PPARG: variants seen among roughly 807,000 people sequenced by gnomAD.
PPARG encodes peroxisome proliferator-activated receptor gamma.
A neutral mutation model predicts 39.2 loss-of-function variants in PPARG; 17 were observed. The observed-to-expected ratio is 0.43, with a 90% CI of 0.30 to 0.65. The LOEUF (loss-of-function observed/expected upper bound fraction) is 0.65, where lower values mean the gene tolerates loss of function less well. Among genes scored for constraint, PPARG ranks in the 30% least tolerant of loss-of-function variants. The pLI, the probability that PPARG is intolerant of heterozygous loss-of-function variation, is 0.13. For synonymous variants in PPARG, 223 were observed against 215.7 expected (o/e 1.03, Z -0.30); for missense variants, 406 against 585.9 (o/e 0.69, Z 3.17).
At chr3:12,323,731 G>A (rs2047611526) in intron 2 of PPARG, among the ~76,000 whole-genome samples, 1 of 151,424 alleles carries the variant, frequency 6.6e-6, no homozygotes, top group African/African-American at 2.4e-5. Flanking sequence ...TTGAAATGCT[G>A]CAAAATGGTA....
At position 12,328,221 on chromosome 3, in the gene PPARG, G is replaced by A. The variant is rs141318861; in HGVS notation, c.-9+15768G>A. ...GAAAAAGTCCTACCTGGAGCGGAGC[G>A]TTAAGGAAGCTGAGAACAACATCCG... On this transcript the variant is annotated intron_variant, in intron 2 of 7. Transcript: ENST00000651735. 3.3e-4 allele frequency: 505 copies of A among 1,523,254 alleles called. 1 individual carries two copies. The African/African-American group carries it at 5.4e-3, about 16-fold the overall frequency. The allele number at this position is 1,523,254 out of a possible 1,614,324, so 94.4% of individuals were successfully genotyped here.
chr3:12,372,718 C>T (rs1176916150), intron 2 of PPARG, among the ~76,000 whole-genome samples: 1 of 152,168 alleles, frequency 6.6e-6, no homozygotes, highest in Non-Finnish European at 1.5e-5. Flanking sequence ...CACTTCCATA[C>T]TCCCAAATAA....
Position 12,417,153 on chromosome 3 carries a change from A to G in PPARG, c.1179A>G (p.Gly393=), listed in dbSNP as rs923986639. The change falls in exon 7 of 8, where the codon GGA becomes GGG. Residue 393 remains glycine, a splice_region_variant and synonymous_variant. Transcript: ENST00000651735. ...TTATTGCTGTCATTATTCTCAGTGG[A>G]GGTAAGATTTGTCTTTTGATCTTCT... is the stretch of plus-strand genomic sequence containing the variant. The part of the protein sequence containing the change: ...AIFIAVIILS[G]DRPGLLNVKP... 1.2e-6 allele frequency: 2 copies of G among 1,613,566 alleles called. No homozygotes were observed. Among genetic ancestry groups the G allele is most frequent in the Non-Finnish European group, 1.7e-6 (2 of 1,179,828 alleles).
chr3:12,361,262 C>T (rs1184362856), intron 2 of PPARG, among the ~76,000 whole-genome samples: 1 of 152,116 alleles, frequency 6.6e-6, no homozygotes, highest in African/African-American at 2.4e-5. Flanking sequence ...TTTAGGTAAA[C>T]GTTCTAAAGC....
At chr3:12,363,249 A>G (rs1179965408) in intron 2 of PPARG, among the ~76,000 whole-genome samples, 1 of 152,198 alleles carries the variant, frequency 6.6e-6, no homozygotes, top group Non-Finnish European at 1.5e-5. Context: ...CTCAGGAGAA[A>G]GATTAAAAGT....
chr3:12,301,161 G>T (rs961596924), intron 1 of PPARG, among the ~76,000 whole-genome samples: 7 of 152,202 alleles, frequency 4.6e-5, no homozygotes, highest in African/African-American at 1.4e-4. Flanking sequence ...AACATTCTAT[G>T]TTGGACCTCG....
chr3:12,379,498 A>G (rs560573610), intron 2 of PPARG, among the ~76,000 whole-genome samples: 1 of 152,198 alleles, frequency 6.6e-6, no homozygotes, highest in Admixed American at 6.5e-5. Context: ...ATCCTCTATT[A>G]TGATACCTGG....
At chr3:12,391,567 G>A (rs563351872) in intron 4 of PPARG, among the ~76,000 whole-genome samples, 14 of 152,296 alleles carry the variant, frequency 9.2e-5, no homozygotes, top group Non-Finnish European at 1.6e-4. Flanking sequence ...ATGGCGTTGC[G>A]TCTGCTGAGA....
At chr3:12,330,267 T>A (rs532506014) in intron 2 of PPARG, among the ~76,000 whole-genome samples, 2 of 149,976 alleles carry the variant, frequency 1.3e-5, no homozygotes, top group Admixed American at 1.3e-4. Context: ...TATATATGGG[T>A]TCTAATATCT....
chr3:12,407,829 G>A (rs2050727445), intron 6 of PPARG, among the ~76,000 whole-genome samples: 1 of 152,176 alleles, frequency 6.6e-6, no homozygotes, highest in South Asian at 2.1e-4. Context: ...TGAGTTTTCT[G>A]ATTTGAAAAT....
chr3:12,367,621 G>A (rs890969255), intron 2 of PPARG, among the ~76,000 whole-genome samples: 3 of 151,882 alleles, frequency 2.0e-5, no homozygotes, highest in Non-Finnish European at 4.4e-5. Context: ...GGCTGAGGCG[G>A]GAGGATTGCT....
intron 2 of PPARG, among the ~76,000 whole-genome samples, chr3:12,364,244 T>C (rs2048944463): frequency 6.6e-6 from 1 of 152,232 alleles, no homozygotes; most frequent in African/African-American, 2.4e-5. Context: ...TGACTACCAC[T>C]GATCTTTTTC....
At chr3:12,341,490 T>C (rs1239362478) in intron 2 of PPARG, among the ~76,000 whole-genome samples, 1 of 152,184 alleles carries the variant, frequency 6.6e-6, no homozygotes. Flanking sequence ...CTTTAGTTGC[T>C]GAAGGAAAGA....
chr3:12,352,823 G>C (rs1469318769), intron 2 of PPARG, among the ~76,000 whole-genome samples: 2 of 152,116 alleles, frequency 1.3e-5, no homozygotes, highest in African/African-American at 4.8e-5. Context: ...TATCATCTAA[G>C]CCTCTTAACT....
rs181362319 is a variant in PPARG at position 12,349,378 on chromosome 3, C to T, written c.-8-30326C>T. Reference sequence around the variant, plus strand: ...TGTAAGCAAGTTATTTCTTAAGTGACCCAGCACTGCAGTGCAACTATCATT... The same window carrying T: ...TGTAAGCAAGTTATTTCTTAAGTGATCCAGCACTGCAGTGCAACTATCATT... On this transcript the variant is annotated intron_variant, in intron 2 of 7. Coordinates refer to ENST00000651735, the MANE Select transcript of PPARG (RefSeq NM_138711.6). Among the ~76,000 whole-genome samples the T allele has an allele frequency of 3.1e-3, 472 of 152,204 alleles. 5 individuals carry two copies. Among genetic ancestry groups the T allele is most frequent in the Middle Eastern group, 3.4e-3 (1 of 292 alleles).
At chr3:12,313,709 C>T (rs1259117743) in intron 2 of PPARG, among the ~76,000 whole-genome samples, 1 of 152,150 alleles carries the variant, frequency 6.6e-6, no homozygotes. Flanking sequence ...ATGTTGTGGT[C>T]AGCCTGAAAG....
intron 2 of PPARG, among the ~76,000 whole-genome samples, chr3:12,353,252 A>C (rs1279260406): frequency 6.6e-6 from 1 of 152,230 alleles, no homozygotes; most frequent in Non-Finnish European, 1.5e-5. Context: ...TTAAAACATT[A>C]TATTTTGTAC....
chr3:12,431,811 A>T (rs1575161224), intron 7 of PPARG, among the ~76,000 whole-genome samples: 1 of 152,090 alleles, frequency 6.6e-6, no homozygotes, highest in Non-Finnish European at 1.5e-5. Context: ...GTGGCGGCTC[A>T]TGCCTATAGT....
chr3:12,357,656 G>T (rs574281195), intron 2 of PPARG, among the ~76,000 whole-genome samples: 2 of 152,130 alleles, frequency 1.3e-5, no homozygotes, highest in Non-Finnish European at 2.9e-5. Flanking sequence ...AATGTTAACC[G>T]CATGAAGGCA....
Sources: allele counts gnomAD v4.1 joint callset (sites outside exome capture counted in the v4.1 genomes callset), GRCh38; gene constraint gnomAD v4.1.1; transcripts MANE v1.5; gene names NCBI Gene and HGNC (gene_info 2026-07-23, HGNC 2026-07-21).